KIAA1217: variants seen among roughly 807,000 people sequenced by gnomAD.
The protein encoded by KIAA1217 is KIAA1217, also known as sickle tail protein homolog.
KIAA1217 carries 88 observed loss-of-function variants against 163.9 expected under a neutral mutation model. That is an observed-to-expected ratio of 0.54 (90% CI 0.45 to 0.64). KIAA1217 has a LOEUF of 0.64. Among genes scored for constraint, KIAA1217 ranks in the 30% least tolerant of loss-of-function variants. The pLI, the probability that KIAA1217 is intolerant of heterozygous loss-of-function variation, is 0.00. For missense variants in KIAA1217, 2,372 were observed against 2,475.0 expected, an observed-to-expected ratio of 0.96 and a Z score of 0.88; for synonymous variants, 903 against 923.1, an observed-to-expected ratio of 0.98 and a Z score of 0.39.
intron 1 of KIAA1217, among the ~76,000 whole-genome samples, chr10:23,855,082 G>T (rs538159317): frequency 1.3e-5 from 2 of 152,042 alleles, no homozygotes; most frequent in African/African-American, 4.8e-5. Context: ...TATTTTGCTC[G>T]TTAGTTGATG....
At chr10:24,416,093 T>G (rs2058225308) in intron 3 of KIAA1217, among the ~76,000 whole-genome samples, 1 of 152,160 alleles carries the variant, frequency 6.6e-6, no homozygotes, top group South Asian at 2.1e-4. Context: ...AGGAAACTTT[T>G]CTAACAGCCC....
At chr10:23,898,742 C>T (rs888837773) in intron 1 of KIAA1217, among the ~76,000 whole-genome samples, 6 of 152,024 alleles carry the variant, frequency 3.9e-5, no homozygotes, top group Non-Finnish European at 8.8e-5. Context: ...CAATTTTCCC[C>T]TCCACCCCAA....
In KIAA1217 at chr10:24,527,939, G is replaced by C. The variant is rs748169324; in HGVS notation, c.2902G>C (p.Ala968Pro). 1 of 1,613,118 alleles carries C rather than the reference G, an allele frequency of 6.2e-7. No homozygotes were observed. The highest frequency in any genetic ancestry group is 2.2e-5 in the East Asian group (1 of 44,868). ...AKNRAVSIEK[A>P]EKKWEEKRQN... is the part of the protein sequence containing the mutation. ...TTTACGTGCTATATTCCTCCAGAAAGCAGAAAAGAAATGGGAGGAAAAAAG... is the reference window on the plus strand; with the variant it reads ...TTTACGTGCTATATTCCTCCAGAAACCAGAAAAGAAATGGGAGGAAAAAAG... Residue 968 changes from alanine (A) to proline (P), a missense_variant, in exon 14 of 21, where the codon GCA (alanine) becomes CCA (proline). By Grantham distance (27) the Ala-to-Pro change is conservative (BLOSUM62 -1). Transcript: ENST00000376454.
intron 2 of KIAA1217, among the ~76,000 whole-genome samples, chr10:24,147,832 C>CAAAAAAAAAAAA (rs1176106711): frequency 2.3e-3 from 47 of 20,754 alleles, no homozygotes; most frequent in African/African-American, 3.4e-3. Flanking sequence ...TACTCTGTCT[C>CAAAAAAAAAAAA]AAAAAAAAAA....
chr10:24,179,872 G>A lies in KIAA1217; in HGVS notation c.-170-39754G>A, dbSNP rs554447105. Among the ~76,000 whole-genome samples, 14 of 152,274 alleles carry A rather than the reference G, an allele frequency of 9.2e-5. 1 individual carries two copies. The East Asian group carries it at 2.7e-3, about 29-fold the overall frequency. On this transcript the variant is annotated intron_variant, in intron 2 of 18. Transcript: ENST00000376462. ...CAAAGTGCTGGGATTGCAGGCATGA[G>A]CCACCATGCCTGGTCTAGGAATTTC...
At chr10:24,432,062 A>G (rs1038888717) in intron 3 of KIAA1217, among the ~76,000 whole-genome samples, 1 of 151,994 alleles carries the variant, frequency 6.6e-6, no homozygotes, top group East Asian at 1.9e-4. Context: ...ATGAAAAAAA[A>G]TCACTCTATG....
intron 2 of KIAA1217, among the ~76,000 whole-genome samples, chr10:24,231,324 A>G (rs1409414460): frequency 2.6e-5 from 4 of 152,170 alleles, no homozygotes; most frequent in Admixed American, 2.6e-4. Flanking sequence ...TCAAAAATAA[A>G]TAAGTAAATA....
intron 2 of KIAA1217, among the ~76,000 whole-genome samples, chr10:24,327,080 G>A (rs898833264): frequency 6.6e-6 from 1 of 152,166 alleles, no homozygotes; most frequent in Non-Finnish European, 1.5e-5. Context: ...AAGATAAGAT[G>A]TAAAGTGCAA....
chr10:24,187,762 T>C (rs1305948798), intron 2 of KIAA1217, among the ~76,000 whole-genome samples: 1 of 151,678 alleles, frequency 6.6e-6, no homozygotes, highest in Non-Finnish European at 1.5e-5. Flanking sequence ...CAGTGGCACA[T>C]GCCTATAATC....
intron 2 of KIAA1217, among the ~76,000 whole-genome samples, chr10:24,027,685 G>A (rs1343113720): frequency 2.0e-5 from 3 of 152,080 alleles, no homozygotes; most frequent in Non-Finnish European, 2.9e-5. Flanking sequence ...ACTCAATAGT[G>A]TAAAATTATT....
intron 3 of KIAA1217, among the ~76,000 whole-genome samples, chr10:24,426,956 A>G (rs958199607): frequency 7.9e-5 from 12 of 152,194 alleles, no homozygotes; most frequent in Non-Finnish European, 7.3e-5. Flanking sequence ...AAGATGTCCC[A>G]CATTCTGGAA....
chr10:23,793,754 T>C (rs866285528), intron 1 of KIAA1217, among the ~76,000 whole-genome samples: 45 of 152,294 alleles, frequency 3.0e-4, no homozygotes, highest in African/African-American at 1.1e-3. Flanking sequence ...AGCCGCCTTG[T>C]GACCTACCAC....
intron 1 of KIAA1217, among the ~76,000 whole-genome samples, chr10:23,749,699 C>T (rs1839631550): frequency 6.6e-6 from 1 of 152,218 alleles, no homozygotes; most frequent in Non-Finnish European, 1.5e-5. Context: ...GCCACCTCGC[C>T]CGGCATTTTG....
chr10:24,084,964 A>T (rs966311268), intron 2 of KIAA1217, among the ~76,000 whole-genome samples: 2 of 131,452 alleles, frequency 1.5e-5, no homozygotes, highest in Non-Finnish European at 3.1e-5. Flanking sequence ...CCCAGGCTGG[A>T]GTGCAGTGGT....
At chr10:24,062,278 TCCCTCCC>T (rs2060754473) in intron 2 of KIAA1217, among the ~76,000 whole-genome samples, 1 of 113,894 alleles carries the variant, frequency 8.8e-6, no homozygotes, top group South Asian at 3.6e-4. Context: ...CCTAATGCTA[TCCCTCCC>T]CCCTCCCCCC....
At position 24,544,497 on chromosome 10, in the gene KIAA1217, G is replaced by A. The variant is rs753719839; in HGVS notation, c.5211+16G>A. ...TTCACGTAAGGTATCTTGGTCTGCTGGAAAATGAAAAGACCCAGCTGCTTT... is the reference window on the plus strand; with the variant it reads ...TTCACGTAAGGTATCTTGGTCTGCTAGAAAATGAAAAGACCCAGCTGCTTT... On this transcript the variant is annotated intron_variant, in intron 19 of 20. Coordinates refer to ENST00000376454, the MANE Select transcript of KIAA1217 (RefSeq NM_019590.5). 3 of 1,583,388 alleles carry A rather than the reference G, an allele frequency of 1.9e-6. No homozygotes were observed. Among genetic ancestry groups the A allele is most frequent in the South Asian group, 2.3e-5 (2 of 87,754 alleles).
chr10:24,103,986 G>A (rs2062521156), intron 2 of KIAA1217, among the ~76,000 whole-genome samples: 3 of 152,004 alleles, frequency 2.0e-5, no homozygotes, highest in Admixed American at 6.5e-5. Context: ...ATTTTTGGCT[G>A]TGTCCCCACC....
Position 23,962,416 on chromosome 10 carries a change from G to A in KIAA1217, c.-320-44809G>A, listed in dbSNP as rs540429933. ...TTCTTGTTATTTTTATCATCACCAA[G>A]TTGTCTATCTGTTGTTATTATTGCC... On this transcript the variant is annotated intron_variant, in intron 1 of 18. Transcript: ENST00000376462. Among the ~76,000 whole-genome samples, 8 of 152,246 alleles carry A rather than the reference G, an allele frequency of 5.3e-5. No homozygotes were observed. The South Asian group carries it at 1.2e-3, about 24-fold the overall frequency.
chr10:24,058,035 TA>T (rs2060589126), intron 2 of KIAA1217, among the ~76,000 whole-genome samples: 1 of 152,236 alleles, frequency 6.6e-6, no homozygotes, highest in East Asian at 1.9e-4. Context: ...TTTCAGGTCT[TA>T]TGTTTAAATT....
Sources: gnomAD v4.1 joint callset for allele counts (sites outside exome capture counted in the v4.1 genomes callset) on GRCh38, gnomAD v4.1.1 for gene constraint, MANE v1.5 for transcripts, NCBI Gene and HGNC (gene_info 2026-07-23, HGNC 2026-07-21) for gene names.